Variants in MDFIC observed in about 807,000 individuals in gnomAD.
The protein encoded by MDFIC is MyoD family inhibitor domain containing, also known as myoD family inhibitor domain-containing protein.
MDFIC carries 17 observed loss-of-function variants against 23.2 expected under a neutral mutation model. That is an observed-to-expected ratio of 0.73 (90% CI 0.50 to 1.10). The LOEUF is 1.10. Among genes scored for constraint, MDFIC ranks in the 50% least tolerant of loss-of-function variants. MDFIC has a pLI of 0.00. For synonymous variants in MDFIC, 120 were observed against 115.2 expected (o/e 1.04, Z -0.27); for missense variants, 356 against 316.6 (o/e 1.12, Z -0.95).
At chr7:114,976,456 T>C (rs1165651809) in intron 3 of MDFIC, among the ~76,000 whole-genome samples, 1 of 152,146 alleles carries the variant, frequency 6.6e-6, no homozygotes, top group Non-Finnish European at 1.5e-5. Flanking sequence ...ATACAAGAAG[T>C]TACAGAAGCA....
chr7:115,015,741 T>C lies in MDFIC; in HGVS notation c.547T>C (p.Cys183Arg). The C allele has an allele frequency of 6.2e-7, 1 of 1,614,232 alleles. No homozygotes were observed. Among genetic ancestry groups the C allele is most frequent in the Non-Finnish European group, 8.5e-7 (1 of 1,180,042 alleles). The change falls in exon 5 of 5, where the codon TGC (cysteine) becomes CGC (arginine). Residue 183 changes from cysteine (C) to arginine (R), a missense_variant. Cys to Arg is a radical substitution (Grantham distance 180, BLOSUM62 -3). Transcript: ENST00000393486. ...CTTGTTCTGCGAATTCCTGACCCTTTGCAACATTGTCCTGGGACAAGCGTC... is the reference window on the plus strand; with the variant it reads ...CTTGTTCTGCGAATTCCTGACCCTTCGCAACATTGTCCTGGGACAAGCGTC... ...ACLFCEFLTL[C>R]NIVLGQASCG... is the part of the protein sequence containing the mutation.
At chr7:114,934,481 GT>G (rs1384637352) in intron 2 of MDFIC, among the ~76,000 whole-genome samples, 2 of 152,060 alleles carry the variant, frequency 1.3e-5, no homozygotes, top group East Asian at 3.8e-4. Context: ...TTTGTAATTT[GT>G]TTTCTAATTT....
chr7:114,930,670 A>G (rs985551595), intron 2 of MDFIC, among the ~76,000 whole-genome samples: 1 of 152,336 alleles, frequency 6.6e-6, no homozygotes, highest in Middle Eastern at 3.4e-3. Context: ...TTATGTTTCT[A>G]TAATAATAAA....
At chr7:114,978,585 C>T (rs1244453363) in intron 3 of MDFIC, among the ~76,000 whole-genome samples, 1 of 151,834 alleles carries the variant, frequency 6.6e-6, no homozygotes, top group Non-Finnish European at 1.5e-5. Flanking sequence ...ATCGGTTATA[C>T]TCTTTGCTTA....
chr7:114,942,745 T>G (rs1415314911), intron 3 of MDFIC, among the ~76,000 whole-genome samples: 1 of 152,200 alleles, frequency 6.6e-6, no homozygotes, highest in Non-Finnish European at 1.5e-5. Context: ...GCTAAAAGAT[T>G]AATGCTACTA....
Position 115,016,738 on chromosome 7 carries a change from TA to T in MDFIC, c.*804del, listed in dbSNP as rs1428402466. On this transcript the variant is annotated 3_prime_UTR_variant, in exon 5 of 5. Coordinates refer to ENST00000393486, the MANE Select transcript of MDFIC (RefSeq NM_001166345.3). ...AACTTTAGGAAACAAACCCACATAA[TA>T]GTTGGGAACCAGTGTTGATCTCTCT... 8.5e-5 allele frequency: 13 copies of T among 153,224 alleles called. No homozygotes were observed. Among genetic ancestry groups the T allele is most frequent in the African/African-American group, 3.1e-4 (13 of 41,468 alleles). 9.5% of individuals were successfully genotyped at this position (153,224 alleles called of 1,614,324 possible). A position where few individuals can be genotyped will look rare whatever the true frequency, so the allele number is the denominator to read the frequency against.
At chr7:114,989,100 G>A (rs183577762) in intron 4 of MDFIC, among the ~76,000 whole-genome samples, 144 of 152,286 alleles carry the variant, frequency 9.5e-4, no homozygotes, top group African/African-American at 3.3e-3. Context: ...AGAGGTCACA[G>A]TGCAAAGAAA....
At chr7:114,982,527 A>C (rs78058950) in intron 4 of MDFIC, among the ~76,000 whole-genome samples, 7 of 151,220 alleles carry the variant, frequency 4.6e-5, no homozygotes, top group Non-Finnish European at 8.8e-5. Context: ...TCATCTCTAC[A>C]AAAAAGAAAA....
At chr7:114,964,637 G>A (rs73443292) in intron 3 of MDFIC, among the ~76,000 whole-genome samples, 65,462 of 151,532 alleles carry the variant, frequency 0.43, 14,744 homozygotes, top group Admixed American at 0.57. Context: ...TGCAACCTCC[G>A]CCTCCTGAGT....
At chr7:114,956,685 G>A (rs999575039) in intron 3 of MDFIC, among the ~76,000 whole-genome samples, 5 of 152,088 alleles carry the variant, frequency 3.3e-5, no homozygotes, top group African/African-American at 7.2e-5. Context: ...GTACTGATGT[G>A]CAGAACCCAC....
intron 2 of MDFIC, among the ~76,000 whole-genome samples, chr7:114,927,009 C>A (rs138331814): frequency 6.6e-6 from 1 of 152,000 alleles, no homozygotes; most frequent in African/African-American, 2.4e-5. Context: ...GTTTGGTGGT[C>A]GTAATGGGGG....
At chr7:115,009,441 A>G (rs1585123577) in intron 4 of MDFIC, among the ~76,000 whole-genome samples, 4 of 152,196 alleles carry the variant, frequency 2.6e-5, no homozygotes, top group African/African-American at 7.2e-5. Context: ...TGATGGCTCA[A>G]TCAGGGTTCC....
intron 3 of MDFIC, among the ~76,000 whole-genome samples, chr7:114,959,122 A>G (rs1033661819): frequency 3.3e-5 from 5 of 152,214 alleles, no homozygotes; most frequent in Non-Finnish European, 5.9e-5. Context: ...CTAAAAATGA[A>G]CAAACATAAG....
intron 3 of MDFIC, among the ~76,000 whole-genome samples, chr7:114,975,510 T>C (rs531256281): frequency 1.3e-5 from 2 of 151,550 alleles, no homozygotes; most frequent in South Asian, 4.2e-4. Flanking sequence ...TGAGGGTCCC[T>C]AGGCATCACT....
chr7:114,985,564 T>C (rs1793496603), intron 4 of MDFIC, among the ~76,000 whole-genome samples: 1 of 152,052 alleles, frequency 6.6e-6, no homozygotes, highest in Non-Finnish European at 1.5e-5. Flanking sequence ...GGGTTTGTTG[T>C]ACAGATTATT....
rs182143566 is a variant in MDFIC at position 114,935,316 on chromosome 7, A to T, written c.95-6959A>T. On this transcript the variant is annotated intron_variant, in intron 2 of 4. Coordinates refer to ENST00000393486, the MANE Select transcript of MDFIC (RefSeq NM_001166345.3). ...GCTCTGTCATAGATTATTATCAAAT[A>T]TTTAATTGAAGTGTATGAGAGCTAA... Among the ~76,000 whole-genome samples the T allele has an allele frequency of 9.9e-5, 15 of 152,238 alleles. No homozygotes were observed. In the East Asian group the frequency reaches 2.7e-3, roughly 27 times the overall value.
chr7:115,005,196 C>T (rs1328988966), intron 4 of MDFIC, among the ~76,000 whole-genome samples: 2 of 152,176 alleles, frequency 1.3e-5, no homozygotes, highest in East Asian at 1.9e-4. Flanking sequence ...ATGACCTGTT[C>T]AAGATATTCA....
chr7:115,014,461 A>G, intron 4 of MDFIC: 1 of 1,289,750 alleles, frequency 7.8e-7, no homozygotes, highest in African/African-American at 1.5e-5. Flanking sequence ...TTTGGTTTTC[A>G]GTTTGCTGAC....
intron 2 of MDFIC, among the ~76,000 whole-genome samples, chr7:114,928,210 T>A (rs1053757592): frequency 6.6e-6 from 1 of 151,896 alleles, no homozygotes; most frequent in Admixed American, 6.6e-5. Context: ...AGAATGTAAC[T>A]GGGAAAAAAC....
Sources: gnomAD v4.1 joint callset for allele counts (sites outside exome capture counted in the v4.1 genomes callset) on GRCh38, gnomAD v4.1.1 for gene constraint, MANE v1.5 for transcripts, NCBI Gene and HGNC (gene_info 2026-07-23, HGNC 2026-07-21) for gene names.